MARVELD2: variants seen among roughly 807,000 people sequenced by gnomAD.
The protein encoded by MARVELD2 is MARVEL domain-containing protein 2.
In MARVELD2, 49 loss-of-function variants were observed where a neutral mutation model predicts 57.6. The ratio of observed to expected loss-of-function variants is 0.85; its 90% CI spans 0.68 to 1.08. MARVELD2 has a LOEUF of 1.08. Ranked by LOEUF, MARVELD2 falls within the 50% of genes least tolerant of loss-of-function variation. The pLI, the probability that MARVELD2 is intolerant of heterozygous loss-of-function variation, is 0.00. For missense variants in MARVELD2, 606 were observed against 701.1 expected, an observed-to-expected ratio of 0.86 and a Z score of 1.53; for synonymous variants, 238 against 258.8, an observed-to-expected ratio of 0.92 and a Z score of 0.77.
chr5:69,430,585 G>T (rs1448330959), intron 3 of MARVELD2, among the ~76,000 whole-genome samples: 5 of 151,766 alleles, frequency 3.3e-5, no homozygotes, highest in Admixed American at 2.0e-4. Flanking sequence ...CCAGGCTAGA[G>T]TGCAGTGGCA....
At chr5:69,433,302 A>C (rs1767028375) in intron 5 of MARVELD2, among the ~76,000 whole-genome samples, 2 of 151,164 alleles carry the variant, frequency 1.3e-5, no homozygotes, top group African/African-American at 4.9e-5. Context: ...AGCTGGGATT[A>C]CAGGCACATG....
At chr5:69,433,564 A>G in intron 5 of MARVELD2, 1 of 169,748 alleles carries the variant, frequency 5.9e-6, no homozygotes, top group Non-Finnish European at 1.3e-5. Context: ...AGTTCATGCC[A>G]TTCTCCTGCC....
chr5:69,424,760 C>T (rs1319781458), intron 3 of MARVELD2, 124 bp downstream of exon 3: 1 of 780,468 alleles, frequency 1.3e-6, no homozygotes, highest in African/African-American at 1.7e-5. Context: ...TGTGGTGGCT[C>T]ACACCTGTAA....
At chr5:69,420,633 A>G (rs1766600211) in intron 2 of MARVELD2, 102 bp downstream of exon 2, 1 of 1,169,188 alleles carries the variant, frequency 8.6e-7, no homozygotes, top group Non-Finnish European at 1.2e-6. Flanking sequence ...GAAAGCTTTC[A>G]TAGAAATCTT....
At position 69,428,599 on chromosome 5, in the gene MARVELD2, ATT is replaced by A. The variant is rs1318455628; in HGVS notation, c.1183-3927_1183-3926del. ...TGATTTCTTCAGGCTCCCTTTCTAT[ATT>A]AAAAGGTAAGTCTTACAATTAGGGA... On this transcript the variant is annotated intron_variant, in intron 3 of 6. Coordinates refer to ENST00000325631, the MANE Select transcript of MARVELD2 (RefSeq NM_001038603.3). 7.0e-4 allele frequency among the ~76,000 whole-genome samples: 98 copies of A among 139,522 alleles called. 12 individuals are homozygous for A. Among genetic ancestry groups the A allele is most frequent in the African/African-American group, 1.8e-3 (69 of 37,806 alleles). 91.5% of individuals were successfully genotyped at this position (139,522 alleles called of 152,430 possible).
intron 5 of MARVELD2, among the ~76,000 whole-genome samples, chr5:69,437,420 C>T (rs982348963): frequency 6.8e-6 from 1 of 147,652 alleles, no homozygotes; most frequent in Non-Finnish European, 1.5e-5. Flanking sequence ...TGCGGTGGCT[C>T]ACACCTGTAA....
chr5:69,441,466 T>C, intron 6 of MARVELD2, 66 bp from the exon 7 acceptor site: 1 of 1,578,520 alleles, frequency 6.3e-7, no homozygotes, highest in Non-Finnish European at 8.6e-7. Flanking sequence ...TGGGTGACAA[T>C]GTATGTTTCT....
chr5:69,422,347 C>T (rs1424813526), intron 2 of MARVELD2, among the ~76,000 whole-genome samples: 1 of 152,162 alleles, frequency 6.6e-6, no homozygotes, highest in Non-Finnish European at 1.5e-5. Context: ...AATTCTTTTT[C>T]TCAGCAAGGA....
At position 69,419,716 on chromosome 5, in the gene MARVELD2, G is replaced by A. The variant is rs397516553; in HGVS notation, c.331G>A (p.Asp111Asn). ...KPVSDIRYIS[D>N]GVECSPPASP... Reference sequence around the variant, plus strand: ...GGTGTCTGATATCAGGTACATCTCCGATGGAGTGGAGTGTTCACCACCAGC... The same window carrying A: ...GGTGTCTGATATCAGGTACATCTCCAATGGAGTGGAGTGTTCACCACCAGC... Residue 111 changes from aspartate to asparagine, a missense_variant, in exon 2 of 7, where the codon GAT becomes AAT. By Grantham distance (23) the Asp-to-Asn change is conservative. Coordinates refer to ENST00000325631, the MANE Select transcript of MARVELD2 (RefSeq NM_001038603.3). 1.9e-5 allele frequency: 30 copies of A among 1,613,980 alleles called. No homozygotes were observed. Among genetic ancestry groups the A allele is most frequent in the Admixed American group, 1.2e-4 (7 of 60,000 alleles).
At chr5:69,420,586 T>G (rs1766598848) in intron 2 of MARVELD2, 55 bp downstream of exon 2, 1 of 1,524,678 alleles carries the variant, frequency 6.6e-7, no homozygotes, top group Non-Finnish European at 9.0e-7. Flanking sequence ...TTTCTGTTAT[T>G]TGCTCCCTTG....
intron 5 of MARVELD2, among the ~76,000 whole-genome samples, chr5:69,439,847 C>T (rs192177332): frequency 2.8e-4 from 43 of 151,942 alleles, no homozygotes; most frequent in Non-Finnish European, 8.8e-5. Flanking sequence ...CATGGATGAA[C>T]GAGGGCATTG....
intron 6 of MARVELD2, 45 bp from the exon 7 acceptor site, chr5:69,441,487 C>T (rs753099036): frequency 6.3e-7 from 1 of 1,597,326 alleles, no homozygotes; most frequent in Non-Finnish European, 8.5e-7. Flanking sequence ...GTGTTTTTCA[C>T]TGAGGAAGCC....
chr5:69,418,341 CCTT>C lies in MARVELD2; in HGVS notation c.-15-1026_-15-1024del, dbSNP rs1324189667. Among the ~76,000 whole-genome samples the C allele has an allele frequency of 2.0e-5, 3 of 152,286 alleles. No individual in the cohort carries two copies. In the East Asian group the frequency reaches 5.8e-4, roughly 29 times the overall value. On this transcript the variant is annotated intron_variant, in intron 1 of 6. Coordinates refer to ENST00000325631, the MANE Select transcript of MARVELD2 (RefSeq NM_001038603.3). ...CTAGTAGTTAATTCACAAATGGTTTCCTTCTTTCTGTATATGGGTGCAGAGCAT... is the reference window on the plus strand; with the variant it reads ...CTAGTAGTTAATTCACAAATGGTTTCCTTTCTGTATATGGGTGCAGAGCAT...
At chr5:69,435,427 C>T (rs1367022054) in intron 5 of MARVELD2, among the ~76,000 whole-genome samples, 1 of 152,022 alleles carries the variant, frequency 6.6e-6, no homozygotes, top group Non-Finnish European at 1.5e-5. Context: ...CAGCACCACT[C>T]AAATTCCACA....
At chr5:69,435,022 C>CTTT (rs754658859) in intron 5 of MARVELD2, among the ~76,000 whole-genome samples, 2 of 121,706 alleles carry the variant, frequency 1.6e-5, no homozygotes, top group Admixed American at 8.7e-5. Flanking sequence ...CAGATGTACT[C>CTTT]TTTTTTTTTT....
At chr5:69,416,085 C>A (rs899188364) in intron 1 of MARVELD2, among the ~76,000 whole-genome samples, 41 of 152,166 alleles carry the variant, frequency 2.7e-4, no homozygotes, top group African/African-American at 9.9e-4. Context: ...AGCCACTTCA[C>A]AGGTGAAGAG....
chr5:69,436,127 T>C (rs965575709), intron 5 of MARVELD2, among the ~76,000 whole-genome samples: 2 of 152,188 alleles, frequency 1.3e-5, no homozygotes, highest in Non-Finnish European at 2.9e-5. Context: ...ATTTGTGTAA[T>C]ATTCTGTCTT....
intron 5 of MARVELD2, 60 bp downstream of exon 5, chr5:69,433,153 CTTTTTTTTTT>C (rs11345515): frequency 1.4e-4 from 67 of 478,100 alleles, no homozygotes; most frequent in East Asian, 9.3e-4. Flanking sequence ...TAAAATCTGG[CTTTTTTTTTT>C]TTTTTTTTTT....
At chr5:69,440,321 T>C (rs1223867030) in intron 5 of MARVELD2, 129 bp from the exon 6 acceptor site, 2 of 577,864 alleles carry the variant, frequency 3.5e-6, no homozygotes, top group Non-Finnish European at 6.3e-6. Context: ...AATTGAATTT[T>C]TGTGTGTGAA....
Sources: allele counts gnomAD v4.1 joint callset (sites outside exome capture counted in the v4.1 genomes callset), GRCh38; gene constraint gnomAD v4.1.1; transcripts MANE v1.5; gene names NCBI Gene and HGNC (gene_info 2026-07-23, HGNC 2026-07-21).